The following OCA2 variants were observed in gnomAD, a reference collection of about 807,000 sequenced individuals.
The protein encoded by OCA2 is P protein.
Under a neutral mutation model 100.2 loss-of-function variants are expected in OCA2, and 77 were observed. The observed-to-expected ratio is 0.77, with a 90% CI of 0.64 to 0.93. OCA2 has a LOEUF of 0.93. OCA2 is among the 40% of genes least tolerant of loss of function. The pLI is 0.00. For missense variants in OCA2, 1,062 were observed against 1,089.1 expected (o/e 0.98, Z 0.35); for synonymous variants, 432 against 439.2 (o/e 0.98, Z 0.21).
intron 23 of OCA2, among the ~76,000 whole-genome samples, chr15:27,786,237 C>A (rs1369289717): frequency 6.6e-6 from 1 of 152,140 alleles, no homozygotes; most frequent in African/African-American, 2.4e-5. Context: ...CTTTGTTCTT[C>A]TTCAAGATGT....
intron 19 of OCA2, among the ~76,000 whole-genome samples, chr15:27,895,360 G>A (rs2037643889): frequency 6.6e-6 from 1 of 152,198 alleles, no homozygotes; most frequent in Admixed American, 6.5e-5. Context: ...CGGGTGACAG[G>A]CAGAGGTTGG....
At chr15:27,722,814 TTCTCTC>T in the OCA2 span, among the ~76,000 whole-genome samples, 1,424 of 134,724 alleles carry the variant, frequency 0.011, 11 homozygotes, top group Admixed American at 0.016. Flanking sequence ...CTCTCTCTCT[TTCTCTC>T]TCTCTCTCTC....
intron 22 of OCA2, among the ~76,000 whole-genome samples, chr15:27,848,614 G>A (rs1464797819): frequency 6.6e-6 from 1 of 152,200 alleles, no homozygotes; most frequent in Non-Finnish European, 1.5e-5. Flanking sequence ...GGCAGAACAA[G>A]GGCATTTTCA....
At chr15:27,747,549 A>AG in the OCA2 span, among the ~76,000 whole-genome samples, 1 of 152,154 alleles carries the variant, frequency 6.6e-6, no homozygotes, top group Admixed American at 6.5e-5. Flanking sequence ...GAACTGACTG[A>AG]GGGGAGCAGT....
chr15:27,878,571 G>A (rs1056905390), intron 19 of OCA2, among the ~76,000 whole-genome samples: 1 of 152,112 alleles, frequency 6.6e-6, no homozygotes, highest in Admixed American at 6.6e-5. Context: ...TCAGAAATTT[G>A]CAGTCATTCA....
intron 2 of OCA2, among the ~76,000 whole-genome samples, chr15:28,060,748 C>T (rs1367894697): frequency 6.6e-6 from 1 of 152,220 alleles, no homozygotes; most frequent in African/African-American, 2.4e-5. Context: ...CAGTTCTGTG[C>T]TGGGCTTGAA....
rs1199771165 is a variant in OCA2 at position 27,996,345 on chromosome 15, T to C, written c.1045-5698A>G. On this transcript the variant is annotated intron_variant, in intron 9 of 23. Transcript: ENST00000354638. ...AACCACATTGTGCCCCATACATATA[T>C]ACAATTTTTATTTGTTAATTAAAAA... Among the ~76,000 whole-genome samples the C allele has an allele frequency of 2.0e-5, 3 of 152,122 alleles. No homozygotes were observed. The South Asian group carries it at 6.2e-4, about 32-fold the overall frequency.
chr15:27,768,122 G>A (rs1165277425), intron 23 of OCA2, among the ~76,000 whole-genome samples: 1 of 152,218 alleles, frequency 6.6e-6, no homozygotes, highest in Non-Finnish European at 1.5e-5. Flanking sequence ...GGTCTTTCTA[G>A]GTGGATGCCT....
At chr15:27,986,960 A>C (rs1243415957) in intron 11 of OCA2, among the ~76,000 whole-genome samples, 1 of 152,238 alleles carries the variant, frequency 6.6e-6, no homozygotes, top group Non-Finnish European at 1.5e-5. Context: ...TATAGACTAG[A>C]AAATGGGATC....
chr15:28,092,233 G>C (rs1566887044), intron 1 of OCA2, among the ~76,000 whole-genome samples: 3 of 152,148 alleles, frequency 2.0e-5, no homozygotes, highest in Admixed American at 6.5e-5. Context: ...AGGGGATAGG[G>C]TTGGAGGGAA....
chr15:27,917,874 G>A (rs1469352059), intron 19 of OCA2, among the ~76,000 whole-genome samples: 1 of 152,096 alleles, frequency 6.6e-6, no homozygotes, highest in East Asian at 1.9e-4. Context: ...TTCAGAAAGA[G>A]TGTTAGGCTG....
At chr15:27,941,778 T>C (rs2039656782) in intron 18 of OCA2, among the ~76,000 whole-genome samples, 1 of 152,156 alleles carries the variant, frequency 6.6e-6, no homozygotes, top group Non-Finnish European at 1.5e-5. Context: ...TAGGAACAAA[T>C]CTTCATAGCA....
intron 2 of OCA2, among the ~76,000 whole-genome samples, chr15:28,050,005 G>T (rs976949569): frequency 2.6e-5 from 4 of 152,178 alleles, no homozygotes; most frequent in Admixed American, 2.0e-4. Context: ...TTGGGCTGGG[G>T]TGGTAGTTCA....
intron 23 of OCA2, among the ~76,000 whole-genome samples, chr15:27,768,148 T>C (rs957237010): frequency 2.6e-5 from 4 of 151,644 alleles, no homozygotes; most frequent in Non-Finnish European, 5.9e-5. Context: ...GTGCGGCCCC[T>C]GCCAAGAAAG....
chr15:27,851,350 C>T (rs1468401728), intron 22 of OCA2, 32 bp downstream of exon 22: 1 of 1,561,176 alleles, frequency 6.4e-7, no homozygotes. Flanking sequence ...TGGGCGTGCA[C>T]CCCCACCCCC....
intron 19 of OCA2, among the ~76,000 whole-genome samples, chr15:27,913,140 A>G (rs1347840467): frequency 1.3e-5 from 2 of 152,214 alleles, no homozygotes; most frequent in Admixed American, 1.3e-4. Flanking sequence ...TTGGACAGAA[A>G]AAAAGTCATT....
At chr15:27,753,336 G>C (rs2030138937), downstream of OCA2, among the ~76,000 whole-genome samples, 1 of 151,774 alleles carries the variant, frequency 6.6e-6, no homozygotes, top group African/African-American at 2.4e-5. Context: ...GAAGGGGGTG[G>C]GGGCAGAGAA....
At chr15:28,055,228 T>C (rs932537839) in intron 2 of OCA2, among the ~76,000 whole-genome samples, 6 of 152,218 alleles carry the variant, frequency 3.9e-5, no homozygotes, top group African/African-American at 7.2e-5. Context: ...TGTGTTGGTG[T>C]GGCATTATAT....
At chr15:27,773,978 G>T (rs2032039002) in intron 23 of OCA2, among the ~76,000 whole-genome samples, 1 of 152,142 alleles carries the variant, frequency 6.6e-6, no homozygotes, top group African/African-American at 2.4e-5. Context: ...TCCGTTAACT[G>T]GGACACAGGA....
Sources: allele counts gnomAD v4.1 joint callset (sites outside exome capture counted in the v4.1 genomes callset), GRCh38; gene constraint gnomAD v4.1.1; transcripts MANE v1.5; gene names NCBI Gene and HGNC (gene_info 2026-07-23, HGNC 2026-07-21).